The following KPNA3 variants were observed in gnomAD, a reference collection of about 807,000 sequenced individuals.
KPNA3 encodes importin subunit alpha-4.
Under a neutral mutation model 73.8 loss-of-function variants are expected in KPNA3, and 13 were observed. That is an observed-to-expected ratio of 0.18 (90% CI 0.11 to 0.28). The LOEUF (loss-of-function observed/expected upper bound fraction) is 0.28. Among genes scored for constraint, KPNA3 ranks in the 10% least tolerant of loss-of-function variants. The pLI, the probability that KPNA3 is intolerant of heterozygous loss-of-function variation, is 1.00. For missense variants in KPNA3, 360 were observed against 618.1 expected, an observed-to-expected ratio of 0.58 and a Z score of 4.43; for synonymous variants, 186 against 206.9, an observed-to-expected ratio of 0.90 and a Z score of 0.87.
At chr13:49,732,552 G>A in intron 5 of KPNA3, 53 bp downstream of exon 5, 1 of 1,470,608 alleles carries the variant, frequency 6.8e-7, no homozygotes, top group Non-Finnish European at 9.5e-7. Context: ...AGACTACCAG[G>A]TAACACAACT....
At chr13:49,735,233 C>T (rs1954511319) in intron 2 of KPNA3, among the ~76,000 whole-genome samples, 1 of 152,164 alleles carries the variant, frequency 6.6e-6, no homozygotes, top group African/African-American at 2.4e-5. Flanking sequence ...AGTGATTCTC[C>T]TGCCTCAGCC....
intron 7 of KPNA3, among the ~76,000 whole-genome samples, chr13:49,724,886 C>G (rs899203793): frequency 2.0e-5 from 3 of 152,186 alleles, no homozygotes; most frequent in African/African-American, 7.2e-5. Context: ...CATGAGCCAC[C>G]TGTGGGTCTG....
chr13:49,770,230 G>A (rs934052301), intron 1 of KPNA3, among the ~76,000 whole-genome samples: 1 of 135,834 alleles, frequency 7.4e-6, no homozygotes, highest in African/African-American at 2.8e-5. Flanking sequence ...CTGATGCCCA[G>A]GTAGGCATGA....
intron 1 of KPNA3, among the ~76,000 whole-genome samples, chr13:49,754,481 A>C (rs1223727208): frequency 6.6e-6 from 1 of 152,108 alleles, no homozygotes; most frequent in Non-Finnish European, 1.5e-5. Context: ...GAAAGTCTCA[A>C]ACCAATAATC....
At chr13:49,762,881 T>A (rs1277289245) in intron 1 of KPNA3, among the ~76,000 whole-genome samples, 1 of 100,196 alleles carries the variant, frequency 1.0e-5, no homozygotes, top group Non-Finnish European at 2.1e-5. Flanking sequence ...AAAATTAAAT[T>A]AAAAAAATAA....
chr13:49,789,460 T>G (rs771701473), intron 1 of KPNA3, among the ~76,000 whole-genome samples: 7 of 152,234 alleles, frequency 4.6e-5, no homozygotes, highest in Non-Finnish European at 1.0e-4. Context: ...ATCCTTTTAT[T>G]TTCTTTAACA....
At chr13:49,733,248 A>G (rs1954486407) in intron 2 of KPNA3, among the ~76,000 whole-genome samples, 1 of 151,152 alleles carries the variant, frequency 6.6e-6, no homozygotes. Context: ...GCTGGCTTTT[A>G]CACACACACA....
chr13:49,709,665 A>G lies in KPNA3; in HGVS notation c.939T>C (p.Thr313=). ...AALRAVGNIV[T]GTDEQTQVVL... ...CAACCTGGGTCTGCTCGTCGGTGCC[A>G]GTCACTATGTTGCCAACTGCTCTGA... The change falls in exon 12 of 17, where the codon ACT becomes ACC. Residue 313 remains threonine (T), a synonymous_variant. Transcript: ENST00000261667. 1 of 1,614,080 alleles carries G rather than the reference A, an allele frequency of 6.2e-7. No individual in the cohort carries two copies. The highest frequency in any genetic ancestry group is 8.5e-7 in the Non-Finnish European group (1 of 1,179,962).
intron 1 of KPNA3, among the ~76,000 whole-genome samples, chr13:49,773,443 T>C (rs1301465791): frequency 6.6e-6 from 1 of 152,226 alleles, no homozygotes; most frequent in Admixed American, 6.5e-5. Flanking sequence ...TTCGATGATA[T>C]AATTACCAAT....
intron 6 of KPNA3, among the ~76,000 whole-genome samples, chr13:49,729,575 G>A (rs1847061370): frequency 6.6e-6 from 1 of 152,128 alleles, no homozygotes. Context: ...ACAAGGTCAG[G>A]AGATCGAGAC....
At chr13:49,721,491 T>C (rs1042650197) in intron 9 of KPNA3, among the ~76,000 whole-genome samples, 1 of 152,160 alleles carries the variant, frequency 6.6e-6, no homozygotes. Flanking sequence ...TTTTATTTCA[T>C]AGGAGTAATT....
At chr13:49,760,379 C>G (rs1038242115) in intron 1 of KPNA3, among the ~76,000 whole-genome samples, 6 of 144,618 alleles carry the variant, frequency 4.1e-5, no homozygotes, top group Non-Finnish European at 9.0e-5. Context: ...CACACCACTG[C>G]ACTCCAGCCT....
chr13:49,734,899 T>TTATA (rs10675447), intron 2 of KPNA3, among the ~76,000 whole-genome samples: 21,949 of 143,558 alleles, frequency 0.15, 2,176 homozygotes, highest in East Asian at 0.46. Flanking sequence ...AATTTTGACT[T>TTATA]TATATATATA....
intron 1 of KPNA3, among the ~76,000 whole-genome samples, chr13:49,762,251 G>A (rs1954772373): frequency 6.9e-6 from 1 of 145,846 alleles, no homozygotes; most frequent in Non-Finnish European, 1.5e-5. Context: ...GAGGAGGGGG[G>A]GCGCCTCCGC....
chr13:49,701,568 T>G lies in KPNA3; in HGVS notation c.*232A>C. 1.6e-6 allele frequency: 1 copy of G among 621,088 alleles called. No individual in the cohort carries two copies. The highest frequency in any genetic ancestry group is 3.1e-6 in the Non-Finnish European group (1 of 323,258). 38.5% of individuals were successfully genotyped at this position (621,088 alleles called of 1,614,324 possible). On this transcript the variant is annotated 3_prime_UTR_variant, in exon 17 of 17. Transcript: ENST00000261667. Reference sequence around the variant, plus strand: ...ACAGGGAAAAATAGGGTAGTTGAGATTGTTAAGGAGAGTTCTAAAACAGTT... The same window carrying G: ...ACAGGGAAAAATAGGGTAGTTGAGAGTGTTAAGGAGAGTTCTAAAACAGTT...
chr13:49,785,484 T>C (rs1007289636), intron 1 of KPNA3, among the ~76,000 whole-genome samples: 7 of 152,242 alleles, frequency 4.6e-5, no homozygotes, highest in African/African-American at 1.7e-4. Flanking sequence ...TTAAACACTT[T>C]GAGCTTGAGA....
intron 10 of KPNA3, among the ~76,000 whole-genome samples, chr13:49,712,356 A>C (rs181461709): frequency 6.6e-6 from 1 of 152,304 alleles, no homozygotes; most frequent in Admixed American, 6.5e-5. Flanking sequence ...ATAAAAATGC[A>C]CTGGTGAACA....
In KPNA3 at chr13:49,753,026, C is replaced by CAA. The variant is rs71078888; in HGVS notation, c.70-6035_70-6034dup. ...TGGGTGACAGAGCGAGACTCTGTCT[C>CAA]AAAAAAAAAAAAAAAAAAAAAAAAA... On this transcript the variant is annotated intron_variant, in intron 1 of 16. Coordinates refer to ENST00000261667, the MANE Select transcript of KPNA3 (RefSeq NM_002267.4). Among the ~76,000 whole-genome samples the CAA allele has an allele frequency of 8.0e-3, 657 of 82,076 alleles. 97 individuals are homozygous for CAA. The highest frequency in any genetic ancestry group is 0.019 in the Middle Eastern group (2 of 104). The allele number at this position is 82,076 out of a possible 152,430, so 53.8% of individuals were successfully genotyped here. A position where few individuals can be genotyped will look rare whatever the true frequency, so the allele number is the denominator to read the frequency against.
intron 1 of KPNA3, among the ~76,000 whole-genome samples, chr13:49,763,430 A>G (rs1027392922): frequency 6.6e-6 from 1 of 152,228 alleles, no homozygotes; most frequent in African/African-American, 2.4e-5. Context: ...TACAATAAAA[A>G]ATACAAAACA....
Sources: gnomAD v4.1 joint callset for allele counts (sites outside exome capture counted in the v4.1 genomes callset) on GRCh38, gnomAD v4.1.1 for gene constraint, MANE v1.5 for transcripts, NCBI Gene and HGNC (gene_info 2026-07-23, HGNC 2026-07-21) for gene names.